SMOC1: variants seen among roughly 807,000 people sequenced by gnomAD.
The protein encoded by SMOC1 is SPARC-related modular calcium-binding protein 1.
In SMOC1, 22 loss-of-function variants were observed where a neutral mutation model predicts 56.3. The ratio of observed to expected loss-of-function variants is 0.39; its 90% CI spans 0.28 to 0.56. The LOEUF is 0.56. Among genes scored for constraint, SMOC1 ranks in the 20% least tolerant of loss-of-function variants. The pLI, the probability that SMOC1 is intolerant of heterozygous loss-of-function variation, is 0.61. For synonymous variants in SMOC1, 193 were observed against 215.0 expected (o/e 0.90, Z 0.89); for missense variants, 509 against 565.4 (o/e 0.90, Z 1.01).
intron 3 of SMOC1, among the ~76,000 whole-genome samples, chr14:69,961,311 T>C (rs1429986421): frequency 2.2e-5 from 3 of 138,702 alleles, no homozygotes; most frequent in African/African-American, 8.0e-5. Context: ...TATATATATA[T>C]ATATATATCC....
At chr14:70,009,101 GT>G (rs1322324979) in intron 7 of SMOC1, among the ~76,000 whole-genome samples, 1 of 152,146 alleles carries the variant, frequency 6.6e-6, no homozygotes, top group Non-Finnish European at 1.5e-5. Flanking sequence ...AGGAGACTCT[GT>G]TTAGCTTTTC....
rs1489574533 is a variant in SMOC1 at position 70,030,568 on chromosome 14, G to T, written c.*310G>T. ...GGGGGGGTGGGGGAGGGTGTTGTTGGGGCTGAGAAGAAAGAGATTTATATG... is the reference window on the plus strand; with the variant it reads ...GGGGGGGTGGGGGAGGGTGTTGTTGTGGCTGAGAAGAAAGAGATTTATATG... On this transcript the variant is annotated 3_prime_UTR_variant, in exon 12 of 12. Transcript: ENST00000361956. The T allele has an allele frequency of 4.7e-6, 2 of 422,898 alleles. No homozygotes were observed. Among genetic ancestry groups the T allele is most frequent in the African/African-American group, 2.0e-5 (1 of 49,064 alleles). The allele number at this position is 422,898 out of a possible 1,614,324, so 26.2% of individuals were successfully genotyped here. A position where few individuals can be genotyped will look rare whatever the true frequency, so the allele number is the denominator to read the frequency against.
At position 69,957,480 on chromosome 14, in the gene SMOC1, T is replaced by C. The variant is rs12895628; in HGVS notation, c.378+3948T>C. Among the ~76,000 whole-genome samples, 1,040 of 152,354 alleles carry C rather than the reference T, an allele frequency of 6.8e-3. 9 individuals carry two copies. The highest frequency in any genetic ancestry group is 0.012 in the Non-Finnish European group (787 of 68,036). ...AATATTGAGAGCCTAAGACAAGTTG[T>C]ACTCAAGCCTGCCTAATATCCAAGG... On this transcript the variant is annotated intron_variant, in intron 3 of 11. Coordinates refer to ENST00000361956, the MANE Select transcript of SMOC1 (RefSeq NM_001034852.3).
chr14:69,938,500 G>GA (rs35450900), intron 1 of SMOC1, among the ~76,000 whole-genome samples: 73,884 of 151,954 alleles, frequency 0.49, 18,376 homozygotes, highest in African/African-American at 0.57. Context: ...AGGAGACCCA[G>GA]CAAGAGGAGA....
chr14:70,010,422 T>A (rs1198565839), intron 7 of SMOC1, among the ~76,000 whole-genome samples: 1 of 152,168 alleles, frequency 6.6e-6, no homozygotes, highest in Non-Finnish European at 1.5e-5. Flanking sequence ...TCTGAAAACA[T>A]TGAGATATTC....
At chr14:70,011,090 A>G in intron 8 of SMOC1, 144 bp downstream of exon 8, 1 of 932,808 alleles carries the variant, frequency 1.1e-6, no homozygotes, top group African/African-American at 1.6e-5. Flanking sequence ...AGTTTCAGGT[A>G]GAAAGACCCT....
chr14:70,013,027 C>A (rs752820674), intron 9 of SMOC1, among the ~76,000 whole-genome samples: 1 of 152,134 alleles, frequency 6.6e-6, no homozygotes, highest in Non-Finnish European at 1.5e-5. Context: ...CACTTTAGGA[C>A]GACTGCTTGG....
chr14:69,996,604 C>A (rs955882173), intron 7 of SMOC1, among the ~76,000 whole-genome samples: 5 of 152,234 alleles, frequency 3.3e-5, no homozygotes, highest in African/African-American at 1.2e-4. Flanking sequence ...GGATTCTGGG[C>A]AGGTCCATCC....
At chr14:69,965,839 A>G (rs1415135449) in intron 3 of SMOC1, among the ~76,000 whole-genome samples, 1 of 152,262 alleles carries the variant, frequency 6.6e-6, no homozygotes, top group Admixed American at 6.5e-5. Context: ...AGGCAGAGCC[A>G]TTAAGACACA....
In SMOC1 at chr14:70,025,567, G is replaced by C. The variant is rs115402097; in HGVS notation, c.1291+2120G>C. Among the ~76,000 whole-genome samples the C allele has an allele frequency of 2.4e-3, 372 of 152,208 alleles. 1 individual carries two copies. Among genetic ancestry groups the C allele is most frequent in the Middle Eastern group, 0.01 (3 of 294 alleles). ...CAAACCCTGCCTCTGTCCCGGCCTC[G>C]CTCTTTCACTACATGCGGCTTGAGT... On this transcript the variant is annotated intron_variant, in intron 11 of 11. Coordinates refer to ENST00000361956, the MANE Select transcript of SMOC1 (RefSeq NM_001034852.3).
intron 5 of SMOC1, among the ~76,000 whole-genome samples, chr14:69,992,083 C>T (rs1341525216): frequency 2.0e-5 from 3 of 152,158 alleles, no homozygotes; most frequent in Admixed American, 6.5e-5. Context: ...GAGATACTGC[C>T]TCCCAGTTTT....
rs965611936 is a variant in SMOC1, at chr14:70,002,095, G to A, written c.664+7615G>A. Among the ~76,000 whole-genome samples the A allele has an allele frequency of 4.6e-5, 7 of 152,280 alleles. No homozygotes were observed. The East Asian group carries it at 1.4e-3, about 29-fold the overall frequency. ...GCCCTGAGTTCTCTCTGGCAGTTGA[G>A]CTTTTAGACCATCCTCACATCTCCA... On this transcript the variant is annotated intron_variant, in intron 7 of 11. Transcript: ENST00000361956.
intron 1 of SMOC1, among the ~76,000 whole-genome samples, chr14:69,925,704 T>C (rs1594805512): frequency 6.6e-6 from 1 of 152,302 alleles, no homozygotes; most frequent in East Asian, 1.9e-4. Context: ...GACTGAACAC[T>C]GGAGGAAGCA....
chr14:69,903,529 CAT>C (rs1884319508), intron 1 of SMOC1, among the ~76,000 whole-genome samples: 1 of 152,236 alleles, frequency 6.6e-6, no homozygotes. Context: ...AAGAAGTAGA[CAT>C]AGGAGACTCC....
At chr14:69,959,491 C>T (rs1373197704) in intron 3 of SMOC1, among the ~76,000 whole-genome samples, 3 of 152,086 alleles carry the variant, frequency 2.0e-5, no homozygotes, top group African/African-American at 7.2e-5. Flanking sequence ...CATTATGTTA[C>T]TTCTGTGTGG....
At chr14:69,962,467 C>T (rs779409346) in intron 3 of SMOC1, among the ~76,000 whole-genome samples, 15 of 151,358 alleles carry the variant, frequency 9.9e-5, no homozygotes, top group Non-Finnish European at 2.1e-4. Context: ...CATTAGGTAC[C>T]AGACTCATCA....
At chr14:69,959,206 C>T (rs1883288119) in intron 3 of SMOC1, among the ~76,000 whole-genome samples, 1 of 152,186 alleles carries the variant, frequency 6.6e-6, no homozygotes, top group Non-Finnish European at 1.5e-5. Context: ...TTACATGCAA[C>T]ACTGTCTCAT....
At chr14:69,949,131 A>C (rs1882901293) in intron 1 of SMOC1, among the ~76,000 whole-genome samples, 1 of 152,128 alleles carries the variant, frequency 6.6e-6, no homozygotes, top group Non-Finnish European at 1.5e-5. Context: ...TCCTGATGAG[A>C]GTTCTTGTTC....
chr14:69,976,623 A>G (rs11621472), intron 4 of SMOC1, among the ~76,000 whole-genome samples: 20,998 of 152,128 alleles, frequency 0.14, 3,526 homozygotes, highest in African/African-American at 0.4. Context: ...TACAAGCCCC[A>G]CAGTGTCCAC....
Sources: gnomAD v4.1 joint callset for allele counts (sites outside exome capture counted in the v4.1 genomes callset) on GRCh38, gnomAD v4.1.1 for gene constraint, MANE v1.5 for transcripts, NCBI Gene and HGNC (gene_info 2026-07-23, HGNC 2026-07-21) for gene names.